The following UHMK1 variants were observed in gnomAD, a reference collection of about 807,000 sequenced individuals.
UHMK1 encodes the protein serine/threonine-protein kinase Kist.
In UHMK1, 18 loss-of-function variants were observed where a neutral mutation model predicts 44.0. That is an observed-to-expected ratio of 0.41 (90% CI 0.28 to 0.61). The LOEUF is 0.61. UHMK1 is among the 20% of genes least tolerant of loss of function. UHMK1 has a pLI of 0.31. For synonymous variants in UHMK1, 231 were observed against 198.5 expected (o/e 1.16, Z -1.38); for missense variants, 463 against 522.5 (o/e 0.89, Z 1.11).
At chr1:162,511,830 G>C (rs892054271) in intron 4 of UHMK1, among the ~76,000 whole-genome samples, 1 of 151,990 alleles carries the variant, frequency 6.6e-6, no homozygotes, top group Non-Finnish European at 1.5e-5. Flanking sequence ...TCCCAGCACC[G>C]TTTATTGAAA....
chr1:162,517,531 AAAGC>A (rs1400487249), intron 6 of UHMK1, among the ~76,000 whole-genome samples: 3 of 152,358 alleles, frequency 2.0e-5, no homozygotes, highest in Admixed American at 6.5e-5. Flanking sequence ...TTTAATATAA[AAAGC>A]AAGGTATTTT....
At chr1:162,514,270 C>CA (rs1651763563) in intron 6 of UHMK1, among the ~76,000 whole-genome samples, 1 of 148,216 alleles carries the variant, frequency 6.7e-6, no homozygotes, top group South Asian at 2.1e-4. Context: ...GCCTGGGCAA[C>CA]AGAGTGAGAC....
At chr1:162,500,662 C>G in intron 2 of UHMK1, 1 of 467,480 alleles carries the variant, frequency 2.1e-6, no homozygotes, top group Non-Finnish European at 3.8e-6. Context: ...TCCTTATTAT[C>G]AGCAGTGCCT....
intron 7 of UHMK1, among the ~76,000 whole-genome samples, chr1:162,521,700 C>T (rs1222356455): frequency 6.6e-6 from 1 of 152,242 alleles, no homozygotes; most frequent in African/African-American, 2.4e-5. Context: ...GCAATCTCAG[C>T]TCCCTGCAAC....
At chr1:162,519,789 C>T (rs1272575169) in intron 7 of UHMK1, among the ~76,000 whole-genome samples, 2 of 152,120 alleles carry the variant, frequency 1.3e-5, no homozygotes, top group Non-Finnish European at 2.9e-5. Context: ...CACTATAGAA[C>T]GTTTAACAGC....
rs971817492 is a variant in UHMK1, at chr1:162,503,781, A to G, written c.781A>G (p.Ile261Val). Residue 261 changes from isoleucine to valine, a missense_variant, in exon 4 of 8, where the codon ATA (isoleucine) becomes GTA (valine). Transcript: ENST00000489294. ...AAACAGTTCTGCTATTATTGATCACATATTTGCCAGTAAAGCAGTGGTGAA... is the reference window on the plus strand; with the variant it reads ...AAACAGTTCTGCTATTATTGATCACGTATTTGCCAGTAAAGCAGTGGTGAA... ...KANSSAIIDHIFASKAVVNAA... is the reference protein window; with the variant it reads ...KANSSAIIDHVFASKAVVNAA... 3.7e-6 allele frequency: 6 copies of G among 1,614,142 alleles called. No individual in the cohort carries two copies. Among genetic ancestry groups the G allele is most frequent in the Non-Finnish European group, 5.1e-6 (6 of 1,180,004 alleles).
At chr1:162,503,664 T>C (rs1483624208) in intron 3 of UHMK1, 90 bp from the exon 4 acceptor site, 3 of 808,278 alleles carry the variant, frequency 3.7e-6, no homozygotes, top group Non-Finnish European at 5.8e-6. Flanking sequence ...GTGTTTTCTG[T>C]TGCATTTTAC....
chr1:162,498,349 C>T, intron 1 of UHMK1, 81 bp downstream of exon 1: 1 of 1,474,826 alleles, frequency 6.8e-7, no homozygotes, highest in Admixed American at 2.3e-5. Context: ...GGCGTTCCAT[C>T]TTCCTCCCCT....
At position 162,528,080 on chromosome 1, in the gene UHMK1, A is replaced by G. The variant is rs1181298813; in HGVS notation, c.*5530A>G. The G allele has an allele frequency of 6.6e-6, 1 of 152,050 alleles. No individual in the cohort carries two copies. Among genetic ancestry groups the G allele is most frequent in the Non-Finnish European group, 1.5e-5 (1 of 67,940 alleles). The allele number at this position is 152,050 out of a possible 1,614,324, so 9.4% of individuals were successfully genotyped here. On this transcript the variant is annotated 3_prime_UTR_variant, in exon 8 of 8. Coordinates refer to ENST00000489294, the MANE Select transcript of UHMK1 (RefSeq NM_175866.5). ...TTCTAAGTTATCTTCCCTTAATAAT[A>G]TTTATGATACCAGGACAGTGAGGGT...
intron 7 of UHMK1, among the ~76,000 whole-genome samples, chr1:162,518,901 A>C (rs1318530645): frequency 6.6e-6 from 1 of 151,548 alleles, no homozygotes; most frequent in Non-Finnish European, 1.5e-5. Flanking sequence ...AGGCAGGAGA[A>C]TCGCTTGAAC....
At position 162,497,914 on chromosome 1, in the gene UHMK1, C is replaced by T. The variant is rs970089461; in HGVS notation, c.-87C>T. Reference sequence around the variant, plus strand: ...GGTCCCTCCCTGCGGAGCCGCTGGTCCGGCTGGCGGAGATGTGACCGCGGG... The same window carrying T: ...GGTCCCTCCCTGCGGAGCCGCTGGTTCGGCTGGCGGAGATGTGACCGCGGG... On this transcript the variant is annotated 5_prime_UTR_variant, in exon 1 of 8. Coordinates refer to ENST00000489294, the MANE Select transcript of UHMK1 (RefSeq NM_175866.5). 2.1e-6 allele frequency: 3 copies of T among 1,429,932 alleles called. No individual in the cohort carries two copies. In the Admixed American group the frequency reaches 8.3e-5, roughly 40 times the overall value. The allele number at this position is 1,429,932 out of a possible 1,614,324, so 88.6% of individuals were successfully genotyped here.
chr1:162,511,447 G>A (rs550811646), intron 4 of UHMK1, among the ~76,000 whole-genome samples: 5 of 152,100 alleles, frequency 3.3e-5, no homozygotes, highest in Non-Finnish European at 4.4e-5. Context: ...GATTACAGAT[G>A]TGAGCTACCA....
intron 4 of UHMK1, among the ~76,000 whole-genome samples, chr1:162,510,772 G>T (rs1433563959): frequency 6.6e-6 from 1 of 151,810 alleles, no homozygotes; most frequent in East Asian, 1.9e-4. Flanking sequence ...TGCAACAAAC[G>T]TGGGCCTACA....
chr1:162,515,983 G>A (rs962107299), intron 6 of UHMK1, among the ~76,000 whole-genome samples: 4 of 151,368 alleles, frequency 2.6e-5, no homozygotes, highest in Admixed American at 1.3e-4. Flanking sequence ...GCAGTGAGCC[G>A]AGGTGGCACC....
intron 3 of UHMK1, 99 bp from the exon 4 acceptor site, chr1:162,503,655 T>A (rs1651360154): frequency 1.4e-6 from 1 of 692,648 alleles, no homozygotes; most frequent in South Asian, 2.4e-5. Flanking sequence ...CAGAAGATAG[T>A]GTTTTCTGTT....
At chr1:162,507,335 G>T (rs557405605) in intron 4 of UHMK1, among the ~76,000 whole-genome samples, 480 of 152,144 alleles carry the variant, frequency 3.2e-3, no homozygotes, top group African/African-American at 0.011. Context: ...GGCCAGGCTG[G>T]TCTTGAACTC....
chr1:162,521,003 C>T (rs568933643), intron 7 of UHMK1, among the ~76,000 whole-genome samples: 2 of 152,146 alleles, frequency 1.3e-5, no homozygotes, highest in African/African-American at 2.4e-5. Flanking sequence ...GAAGTTTTCA[C>T]TGACATTTAA....
At position 162,522,584 on chromosome 1, in the gene UHMK1, C is replaced by CT. The variant is rs1347659894; in HGVS notation, c.*36dup. The CT allele has an allele frequency of 6.2e-7, 1 of 1,600,346 alleles. No homozygotes were observed. Among genetic ancestry groups the CT allele is most frequent in the Non-Finnish European group, 8.5e-7 (1 of 1,173,222 alleles). ...CTAAGGACTGTTTCCTTTTTCTCCTCTTCCATTTCTTGGGTTATTCCACAT... is the reference window on the plus strand; with the variant it reads ...CTAAGGACTGTTTCCTTTTTCTCCTCTTTCCATTTCTTGGGTTATTCCACAT... On this transcript the variant is annotated 3_prime_UTR_variant, in exon 8 of 8. Transcript: ENST00000489294.
chr1:162,497,764 G>GT, upstream of UHMK1: 1 of 1,262,154 alleles, frequency 7.9e-7, no homozygotes, highest in Non-Finnish European at 1.0e-6. Flanking sequence ...CGCCCCTTCT[G>GT]AGCCCCCCCT....
Sources: gnomAD v4.1 joint callset for allele counts (sites outside exome capture counted in the v4.1 genomes callset) on GRCh38, gnomAD v4.1.1 for gene constraint, MANE v1.5 for transcripts, NCBI Gene and HGNC (gene_info 2026-07-23, HGNC 2026-07-21) for gene names.